TMEM41B: variants seen among roughly 807,000 people sequenced by gnomAD.
The protein encoded by TMEM41B is transmembrane protein 41B, also known as protein stasimon.
In TMEM41B, 18 loss-of-function variants were observed where a neutral mutation model predicts 31.9. The observed-to-expected ratio is 0.56, with a 90% CI of 0.39 to 0.84. The LOEUF (loss-of-function observed/expected upper bound fraction) is 0.84. Ranked by LOEUF, TMEM41B falls within the 40% of genes least tolerant of loss-of-function variation. The pLI is 0.00. For synonymous variants in TMEM41B, 144 were observed against 124.3 expected (o/e 1.16, Z -1.05); for missense variants, 322 against 348.0 (o/e 0.93, Z 0.59).
intron 2 of TMEM41B, 102 bp from the exon 3 acceptor site, chr11:9,295,489 G>C (rs1434635077): frequency 1.2e-5 from 8 of 679,142 alleles, no homozygotes; most frequent in Non-Finnish European, 1.8e-5. Flanking sequence ...TTCATGCCTT[G>C]ATCTATTAAG....
intron 1 of TMEM41B, among the ~76,000 whole-genome samples, chr11:9,307,131 C>T (rs1853416601): frequency 6.6e-6 from 1 of 152,146 alleles, no homozygotes; most frequent in African/African-American, 2.4e-5. Context: ...AATTCTCCTA[C>T]TACTTTTACA....
intron 1 of TMEM41B, among the ~76,000 whole-genome samples, chr11:9,300,050 T>A (rs970795599): frequency 3.3e-5 from 5 of 151,838 alleles, no homozygotes; most frequent in African/African-American, 1.2e-4. Context: ...ATTTGGGAGG[T>A]AGAGGTTGCG....
intron 3 of TMEM41B, among the ~76,000 whole-genome samples, chr11:9,294,656 G>A (rs1323305210): frequency 6.6e-6 from 1 of 151,908 alleles, no homozygotes; most frequent in African/African-American, 2.4e-5. Flanking sequence ...GCAAAATTAA[G>A]CACCCACAGC....
chr11:9,286,451 T>A lies in TMEM41B; in HGVS notation c.706+4A>T. 6.2e-7 allele frequency: 1 copy of A among 1,608,618 alleles called. No homozygotes were observed. The highest frequency in any genetic ancestry group is 1.7e-5 in the Admixed American group (1 of 58,910). On this transcript the variant is annotated splice_donor_region_variant and intron_variant, in intron 6 of 6. Coordinates refer to ENST00000528080, the MANE Select transcript of TMEM41B (RefSeq NM_015012.4). ...TCATACACAGCAAGAACCAGAGGGC[T>A]TACCTAGAAAAGTACCAATAAAAAA...
At position 9,281,506 on chromosome 11, in the gene TMEM41B, T is replaced by C. The variant is rs1019131069; in HGVS notation, c.*1918A>G. 1 of 152,232 alleles carries C rather than the reference T, an allele frequency of 6.6e-6. No individual in the cohort carries two copies. Among genetic ancestry groups the C allele is most frequent in the African/African-American group, 2.4e-5 (1 of 41,470 alleles). The allele number at this position is 152,232 out of a possible 1,614,324, so 9.4% of individuals were successfully genotyped here. A position where few individuals can be genotyped will look rare whatever the true frequency, so the allele number is the denominator to read the frequency against. The stretch of plus-strand genomic sequence containing the variant: ...TAAAAACAGGCTTTGAGGATGATTA[T>C]ACCTCTTATAATAAAAACATACAAG... On this transcript the variant is annotated 3_prime_UTR_variant, in exon 7 of 7. Coordinates refer to ENST00000528080, the MANE Select transcript of TMEM41B (RefSeq NM_015012.4).
intron 1 of TMEM41B, chr11:9,311,807 T>C (rs1853568700): frequency 3.6e-6 from 2 of 549,682 alleles, no homozygotes; most frequent in Admixed American, 3.2e-5. Context: ...AAAATTAGAC[T>C]TTCCGTGTTA....
chr11:9,294,469 C>G (rs909037887), intron 3 of TMEM41B, among the ~76,000 whole-genome samples: 26 of 130,010 alleles, frequency 2.0e-4, no homozygotes, highest in Non-Finnish European at 3.1e-4. Context: ...GCCTGTGTAA[C>G]AAGAGCAAAA....
chr11:9,309,104 G>A (rs879636598), intron 1 of TMEM41B, among the ~76,000 whole-genome samples: 3 of 152,152 alleles, frequency 2.0e-5, no homozygotes, highest in Non-Finnish European at 2.9e-5. Flanking sequence ...AAAATTAGCT[G>A]GGCGTGGTGA....
intron 1 of TMEM41B, among the ~76,000 whole-genome samples, chr11:9,307,087 T>C (rs185709644): frequency 1.5e-4 from 23 of 152,250 alleles, no homozygotes; most frequent in Admixed American, 5.2e-4. Flanking sequence ...TCCTGAAAAA[T>C]AATTTAACCT....
In TMEM41B at chr11:9,283,345, T is replaced by C; in HGVS notation, c.*79A>G. On this transcript the variant is annotated 3_prime_UTR_variant, in exon 7 of 7. Transcript: ENST00000528080. The stretch of plus-strand genomic sequence containing the variant: ...ATTCCTTGTTTAATTACTGAAGAGG[T>C]GATTTTAAAACATAAATGGATGCAC... 8.9e-7 allele frequency: 1 copy of C among 1,121,044 alleles called. No homozygotes were observed. The highest frequency in any genetic ancestry group is 1.3e-6 in the Non-Finnish European group (1 of 793,906). The allele number at this position is 1,121,044 out of a possible 1,614,324, so 69.4% of individuals were successfully genotyped here.
At chr11:9,313,338 TTTCTACTACATACTCTTAGAAG>T (rs1441550333) in intron 1 of TMEM41B, among the ~76,000 whole-genome samples, 2 of 152,204 alleles carry the variant, frequency 1.3e-5, no homozygotes, top group Non-Finnish European at 2.9e-5. Context: ...ACATTAACAT[TTTCTACTACATACTCTTAGAAG>T]TTCTCCTAGC....
intron 1 of TMEM41B, among the ~76,000 whole-genome samples, chr11:9,314,100 T>C (rs1853628248): frequency 6.6e-6 from 1 of 152,228 alleles, no homozygotes; most frequent in African/African-American, 2.4e-5. Flanking sequence ...TTCTTTTAAA[T>C]GAATTCTACT....
chr11:9,301,613 G>A (rs1853262096), intron 1 of TMEM41B, among the ~76,000 whole-genome samples: 2 of 152,020 alleles, frequency 1.3e-5, no homozygotes, highest in Non-Finnish European at 2.9e-5. Context: ...CCCATAAGGG[G>A]GCCAATCTCA....
In TMEM41B at chr11:9,288,574, T is replaced by A. The variant is rs778708086; in HGVS notation, c.369-39A>T. 9.4e-6 allele frequency: 13 copies of A among 1,387,924 alleles called. 1 individual carries two copies. Among genetic ancestry groups the A allele is most frequent in the Non-Finnish European group, 1.1e-5 (11 of 1,017,050 alleles). The allele number at this position is 1,387,924 out of a possible 1,614,324, so 86.0% of individuals were successfully genotyped here. A position where few individuals can be genotyped will look rare whatever the true frequency, so the allele number is the denominator to read the frequency against. On this transcript the variant is annotated intron_variant, in intron 3 of 6. Coordinates refer to ENST00000528080, the MANE Select transcript of TMEM41B (RefSeq NM_015012.4). ...AGTTAAGGATTAGAATATAATTAAG[T>A]AGAATTTTAAAAGACAAATGTAACA...
chr11:9,305,764 G>C (rs1853375026), intron 1 of TMEM41B, among the ~76,000 whole-genome samples: 1 of 151,934 alleles, frequency 6.6e-6, no homozygotes, highest in African/African-American at 2.4e-5. Context: ...CAGAGTATAA[G>C]AAAAACTAAC....
chr11:9,313,780 TC>T (rs1042271212), intron 1 of TMEM41B, among the ~76,000 whole-genome samples: 3 of 152,148 alleles, frequency 2.0e-5, no homozygotes, highest in Non-Finnish European at 4.4e-5. Context: ...ATTATTATTA[TC>T]CCCATTTCAC....
At chr11:9,311,092 T>C (rs1322462645) in intron 1 of TMEM41B, among the ~76,000 whole-genome samples, 1 of 151,826 alleles carries the variant, frequency 6.6e-6, no homozygotes, top group African/African-American at 2.4e-5. Context: ...AACAACAAGA[T>C]GGCCAGGCCA....
intron 3 of TMEM41B, among the ~76,000 whole-genome samples, chr11:9,290,046 C>T (rs1289202594): frequency 6.6e-6 from 1 of 152,002 alleles, no homozygotes; most frequent in Non-Finnish European, 1.5e-5. Context: ...AAAACACACA[C>T]ACACACACAC....
At chr11:9,311,147 G>T in intron 1 of TMEM41B, 1 of 1,024,828 alleles carries the variant, frequency 9.8e-7, no homozygotes, top group Non-Finnish European at 1.3e-6. Context: ...GGGCTCAACA[G>T]CAGGGTGAAG....
Sources: gnomAD v4.1 joint callset for allele counts (sites outside exome capture counted in the v4.1 genomes callset) on GRCh38, gnomAD v4.1.1 for gene constraint, MANE v1.5 for transcripts, NCBI Gene and HGNC (gene_info 2026-07-23, HGNC 2026-07-21) for gene names.